The following FGD2 variants were observed in gnomAD, a reference collection of about 807,000 sequenced individuals.
FGD2 encodes the protein FYVE, RhoGEF and PH domain containing 2, also known as FYVE, RhoGEF and PH domain-containing protein 2.
A neutral mutation model predicts 75.9 loss-of-function variants in FGD2; 52 were observed. That is an observed-to-expected ratio of 0.69 (90% CI 0.55 to 0.86). FGD2 has a LOEUF of 0.86. Among genes scored for constraint, FGD2 ranks in the 40% least tolerant of loss-of-function variants. The pLI, the probability that FGD2 is intolerant of heterozygous loss-of-function variation, is 0.00. For missense variants in FGD2, 790 were observed against 872.0 expected (o/e 0.91, Z 1.18); for synonymous variants, 347 against 348.6 (o/e 1.00, Z 0.05).
At chr6:37,007,458 A>C (rs566629974) in intron 1 of FGD2, among the ~76,000 whole-genome samples, 1 of 152,252 alleles carries the variant, frequency 6.6e-6, no homozygotes, top group East Asian at 1.9e-4. Context: ...CTCACTCAAC[A>C]TGCTTGACGT....
chr6:37,007,871 C>T (rs1764825688), intron 1 of FGD2, among the ~76,000 whole-genome samples: 1 of 152,164 alleles, frequency 6.6e-6, no homozygotes, highest in Non-Finnish European at 1.5e-5. Flanking sequence ...GCACTAGGTC[C>T]CAATGCTTTC....
chr6:37,021,681 C>A, intron 12 of FGD2, 77 bp downstream of exon 12: 5 of 1,309,552 alleles, frequency 3.8e-6, no homozygotes, highest in Non-Finnish European at 5.4e-6. Context: ...TCTGCCTATA[C>A]CAGCTCAGAG....
chr6:37,014,141 T>C, intron 6 of FGD2, 41 bp downstream of exon 6: 1 of 1,597,494 alleles, frequency 6.3e-7, no homozygotes, highest in Non-Finnish European at 8.5e-7. Flanking sequence ...TGAGGAGGCC[T>C]AAGCCATTCC....
intron 14 of FGD2, among the ~76,000 whole-genome samples, chr6:37,026,506 A>G (rs1765827050): frequency 6.6e-6 from 1 of 151,930 alleles, no homozygotes; most frequent in Admixed American, 6.6e-5. Flanking sequence ...TCACTGAGCC[A>G]CACTTGCCCC....
chr6:37,019,831 T>G (rs1765479331), intron 9 of FGD2, among the ~76,000 whole-genome samples: 1 of 150,150 alleles, frequency 6.7e-6, no homozygotes, highest in East Asian at 2.0e-4. Context: ...TGAAGATTAT[T>G]TTCTTCTTCT....
At chr6:37,011,916 A>G in intron 4 of FGD2, 62 bp downstream of exon 4, 1 of 1,574,986 alleles carries the variant, frequency 6.3e-7, no homozygotes, top group South Asian at 1.2e-5. Context: ...GGAGGTGGGG[A>G]GACCCCAGGG....
chr6:37,005,989 C>T lies in FGD2; in HGVS notation c.68+104C>T, dbSNP rs74534721. ...GGCCCTGCCCCGGACCCTCCTCCTG[C>T]AGGGGCAGCCCCGCGTTCCTCGGTC... is the stretch of plus-strand genomic sequence containing the variant. On this transcript the variant is annotated intron_variant, in intron 1 of 15. Coordinates refer to ENST00000274963, the MANE Select transcript of FGD2 (RefSeq NM_173558.4). 1,917 of 1,300,926 alleles carry T rather than the reference C, an allele frequency of 1.5e-3. 36 individuals are homozygous for T. In the African/African-American group the frequency reaches 0.025, roughly 17 times the overall value. The allele number at this position is 1,300,926 out of a possible 1,614,324, so 80.6% of individuals were successfully genotyped here. A position where few individuals can be genotyped will look rare whatever the true frequency, so the allele number is the denominator to read the frequency against.
chr6:37,016,998 C>A (rs186174866), intron 9 of FGD2, among the ~76,000 whole-genome samples: 8 of 152,194 alleles, frequency 5.3e-5, no homozygotes, highest in Non-Finnish European at 1.0e-4. Context: ...TCTTGTGAGG[C>A]CTTCCAGAGG....
At position 37,007,196 on chromosome 6, in the gene FGD2, T is replaced by C. The variant is rs539207787; in HGVS notation, c.68+1311T>C. Among the ~76,000 whole-genome samples, 6 of 152,302 alleles carry C rather than the reference T, an allele frequency of 3.9e-5. No individual in the cohort carries two copies. The East Asian group carries it at 5.8e-4, about 15-fold the overall frequency. Reference sequence around the variant, plus strand: ...ATCGAATAACTATGATGCAAGGTCATAGACAGTAGATGTCCTAGGAATGGC... The same window carrying C: ...ATCGAATAACTATGATGCAAGGTCACAGACAGTAGATGTCCTAGGAATGGC... On this transcript the variant is annotated intron_variant, in intron 1 of 15. Transcript: ENST00000274963.
intron 13 of FGD2, 107 bp downstream of exon 13, chr6:37,022,477 A>T: frequency 7.1e-7 from 1 of 1,415,204 alleles, no homozygotes; most frequent in East Asian, 2.8e-5. Context: ...TGATCCACCT[A>T]GGCCTCCACC....
intron 2 of FGD2, 129 bp from the exon 3 acceptor site, chr6:37,010,844 G>A (rs1034267296): frequency 3.3e-5 from 28 of 836,194 alleles, no homozygotes; most frequent in South Asian, 6.1e-5. Context: ...GATGCACTGC[G>A]GGAGGCCATG....
intron 9 of FGD2, among the ~76,000 whole-genome samples, chr6:37,018,149 T>C (rs1386691292): frequency 6.6e-6 from 1 of 151,742 alleles, no homozygotes; most frequent in Non-Finnish European, 1.5e-5. Flanking sequence ...CATAGAAAAA[T>C]AGAGATCGAC....
intron 1 of FGD2, among the ~76,000 whole-genome samples, chr6:37,008,231 G>C (rs146366975): frequency 1.3e-5 from 2 of 152,324 alleles, no homozygotes; most frequent in Admixed American, 1.3e-4. Flanking sequence ...TATTCATCAA[G>C]GGTGGGCCCT....
At chr6:37,021,487 G>A (rs761154950) in intron 11 of FGD2, 25 bp from the exon 12 acceptor site, 13 of 1,592,574 alleles carry the variant, frequency 8.2e-6, no homozygotes, top group African/African-American at 8.1e-5. Context: ...CTCAAGCCCC[G>A]ACCCTCCCCC....
At chr6:37,025,519 G>T in intron 13 of FGD2, 1 of 482,732 alleles carries the variant, frequency 2.1e-6, no homozygotes, top group South Asian at 2.6e-5. Flanking sequence ...ACCTGGAGGG[G>T]AGAGAAGTTA....
At chr6:37,026,943 G>A (rs1485509578) in intron 14 of FGD2, among the ~76,000 whole-genome samples, 1 of 151,944 alleles carries the variant, frequency 6.6e-6, no homozygotes, top group Non-Finnish European at 1.5e-5. Flanking sequence ...GGGAGGTGGA[G>A]GTTGCAATGT....
At chr6:37,008,379 C>T (rs536377388) in intron 1 of FGD2, among the ~76,000 whole-genome samples, 9 of 152,256 alleles carry the variant, frequency 5.9e-5, no homozygotes, top group African/African-American at 1.9e-4. Context: ...TGGAGGATGT[C>T]GATCCCATTG....
chr6:37,009,002 G>A lies in FGD2; in HGVS notation c.237G>A (p.Lys79=). The A allele has an allele frequency of 6.2e-7, 1 of 1,614,260 alleles. No homozygotes were observed. Among genetic ancestry groups the A allele is most frequent in the East Asian group, 2.2e-5 (1 of 44,890 alleles). The change falls in exon 2 of 16, where the codon AAG becomes AAA. Residue 79 remains lysine (K), a synonymous_variant. Transcript: ENST00000274963. ...SRRYLNSLKN[K]LSSEAWRKSC... is the part of the protein sequence containing the mutation. ...GGTACCTGAACTCCCTGAAGAACAA[G>A]CTGTCCAGCGAAGCCTGGAGGAAAT...
chr6:37,008,710 C>A, intron 1 of FGD2, 124 bp from the exon 2 acceptor site: 1 of 735,792 alleles, frequency 1.4e-6, no homozygotes, highest in Non-Finnish European at 2.2e-6. Context: ...CCAAAGAAAG[C>A]CAGGCACCCA....
Sources: allele counts gnomAD v4.1 joint callset (sites outside exome capture counted in the v4.1 genomes callset), GRCh38; gene constraint gnomAD v4.1.1; transcripts MANE v1.5; gene names NCBI Gene and HGNC (gene_info 2026-07-23, HGNC 2026-07-21).